URB1: variants seen among roughly 807,000 people sequenced by gnomAD.
URB1 encodes the protein nucleolar pre-ribosomal-associated protein 1.
URB1 carries 197 observed loss-of-function variants against 242.3 expected under a neutral mutation model. That is an observed-to-expected ratio of 0.81 (90% CI 0.72 to 0.91). The LOEUF (loss-of-function observed/expected upper bound fraction) is 0.91, where lower values mean the gene tolerates loss of function less well. Among genes scored for constraint, URB1 ranks in the 40% least tolerant of loss-of-function variants. URB1 has a pLI of 0.00. For missense variants in URB1, 2,721 were observed against 2,860.5 expected (o/e 0.95, Z 1.11); for synonymous variants, 1,153 against 1,201.8 (o/e 0.96, Z 0.84).
rs150866700 is a variant in URB1 at position 32,311,778 on chromosome 21, C to G, written c.*3140G>C. The G allele has an allele frequency of 1.9e-5, 31 of 1,614,058 alleles. No individual in the cohort carries two copies. The highest frequency in any genetic ancestry group is 2.4e-5 in the Non-Finnish European group (28 of 1,180,046). Reference sequence around the variant, plus strand: ...GTGCCTGCCGTGCCACAGGGAACCCCTGGCAACCTCACAGGCTCAGGCGAG... The same window carrying G: ...GTGCCTGCCGTGCCACAGGGAACCCGTGGCAACCTCACAGGCTCAGGCGAG... On this transcript the variant is annotated 3_prime_UTR_variant, in exon 39 of 39. Transcript: ENST00000382751.
chr21:32,317,645 C>T (rs1309845117), intron 37 of URB1, 31 bp downstream of exon 37: 43 of 1,549,230 alleles, frequency 2.8e-5, no homozygotes, highest in Non-Finnish European at 3.1e-5. Flanking sequence ...ATGTTGGCTA[C>T]TCTGGGCCAG....
intron 11 of URB1, 100 bp from the exon 12 acceptor site, chr21:32,362,121 T>C (rs1008358303): frequency 2.8e-6 from 4 of 1,444,886 alleles, no homozygotes; most frequent in Admixed American, 2.2e-5. Flanking sequence ...GGGAGGGGGG[T>C]GCGAGTCTAG....
chr21:32,363,774 G>A (rs1005443999), intron 10 of URB1, among the ~76,000 whole-genome samples: 62 of 151,856 alleles, frequency 4.1e-4, no homozygotes, highest in African/African-American at 1.2e-3. Context: ...CAATCCTCCC[G>A]CCTCATCCTC....
intron 21 of URB1, among the ~76,000 whole-genome samples, chr21:32,349,060 T>C (rs1040893355): frequency 2.0e-5 from 3 of 152,216 alleles, no homozygotes; most frequent in African/African-American, 7.2e-5. Flanking sequence ...CAGGCTCACC[T>C]CACACAGCGT....
At chr21:32,381,203 C>A (rs1387856325) in intron 4 of URB1, among the ~76,000 whole-genome samples, 1 of 152,200 alleles carries the variant, frequency 6.6e-6, no homozygotes, top group East Asian at 1.9e-4. Context: ...TTCATTCCCA[C>A]CCTGTGACCT....
At chr21:32,332,570 A>C (rs1415710844) in intron 30 of URB1, among the ~76,000 whole-genome samples, 2 of 6,796 alleles carry the variant, frequency 2.9e-4, no homozygotes, top group Non-Finnish European at 6.0e-4. Context: ...AACAAAAGAC[A>C]AAAAAAAAAA....
Position 32,385,687 on chromosome 21 carries a change from GA to G in URB1, c.143-4del, listed in dbSNP as rs972321362. On this transcript the variant is annotated splice_polypyrimidine_tract_variant and splice_region_variant and intron_variant, in intron 1 of 38. Transcript: ENST00000382751. ...AGCAGACACAAACGCTTCCAAGCCT[GA>G]AAAAAAAGTTATGTTCAAACATTAA... is the stretch of plus-strand genomic sequence containing the variant. The G allele has an allele frequency of 1.3e-6, 2 of 1,543,892 alleles. No homozygotes were observed. The highest frequency in any genetic ancestry group is 1.7e-6 in the Non-Finnish European group (2 of 1,144,800).
At chr21:32,374,553 G>C (rs2033439128) in intron 6 of URB1, among the ~76,000 whole-genome samples, 1 of 152,314 alleles carries the variant, frequency 6.6e-6, no homozygotes, top group South Asian at 2.1e-4. Context: ...ATCCTTGCTA[G>C]CACTGAACAC....
chr21:32,319,116 C>T (rs573708500), intron 36 of URB1, 101 bp downstream of exon 36: 25 of 1,236,916 alleles, frequency 2.0e-5, no homozygotes, highest in Non-Finnish European at 2.8e-5. Flanking sequence ...CCCAGCGTCC[C>T]CCTGGTACAG....
chr21:32,333,092 TA>T, intron 30 of URB1: 1 of 516,638 alleles, frequency 1.9e-6, no homozygotes, highest in Non-Finnish European at 3.4e-6. Context: ...TTCCAGATTT[TA>T]AAATTACAAT....
In URB1 at chr21:32,372,527, T is replaced by C. The variant is rs1321509274; in HGVS notation, c.981A>G (p.Ala327=). 6.4e-7 allele frequency: 1 copy of C among 1,551,470 alleles called. No homozygotes were observed. The highest frequency in any genetic ancestry group is 1.4e-5 in the African/African-American group (1 of 73,062). Residue 327 remains alanine, a synonymous_variant, in exon 8 of 39, where the codon GCA becomes GCG. Coordinates refer to ENST00000382751, the MANE Select transcript of URB1 (RefSeq NM_014825.3). ...TTTACCTGCCAAAGGTACCCAAAGA[T>C]GCATCGTAAAAATTAATTCCATGCT... ...SLKHGINFYD[A]SLGTFGRGGN...
At position 32,366,676 on chromosome 21, in the gene URB1, A is replaced by G. The variant is rs754697199; in HGVS notation, c.1277T>C (p.Val426Ala). ...CACCAGGGGCACGGTGGTCACCATC[A>G]CCATTGCCAGGAGCCGAGGCAAGGG... ...FIPLPRLLAM[V>A]MVTTVPLVCN... The change falls in exon 10 of 39, where the codon GTG (valine) becomes GCG (alanine). Residue 426 changes from valine (V) to alanine (A), a missense_variant. Transcript: ENST00000382751. The G allele has an allele frequency of 5.2e-5, 81 of 1,551,330 alleles. No homozygotes were observed. The highest frequency in any genetic ancestry group is 6.5e-5 in the Non-Finnish European group (75 of 1,146,850).
At chr21:32,381,037 T>C (rs1479563091) in intron 4 of URB1, among the ~76,000 whole-genome samples, 3 of 152,200 alleles carry the variant, frequency 2.0e-5, no homozygotes, top group Admixed American at 6.5e-5. Context: ...CCTGACATGA[T>C]GGAGGAACTG....
At position 32,322,355 on chromosome 21, in the gene URB1, C is replaced by T. The variant is rs746016241; in HGVS notation, c.5340+123G>A. On this transcript the variant is annotated intron_variant, in intron 33 of 38. Coordinates refer to ENST00000382751, the MANE Select transcript of URB1 (RefSeq NM_014825.3). The stretch of plus-strand genomic sequence containing the variant: ...CCGAAGTGCAGGCCTGCGTGGCCAC[C>T]GACTGCACAATCGTGTTGGCCGTGC... 3.1e-5 allele frequency: 28 copies of T among 899,126 alleles called. 1 individual carries two copies. Among genetic ancestry groups the T allele is most frequent in the African/African-American group, 4.9e-5 (3 of 60,694 alleles). The allele number at this position is 899,126 out of a possible 1,614,324, so 55.7% of individuals were successfully genotyped here.
intron 5 of URB1, chr21:32,377,347 T>C (rs770539502): frequency 4.0e-6 from 2 of 504,436 alleles, no homozygotes; most frequent in African/African-American, 2.0e-5. Flanking sequence ...AGTTTTGATG[T>C]GTACAGCCAA....
intron 27 of URB1, 78 bp from the exon 28 acceptor site, chr21:32,337,235 C>A: frequency 4.1e-6 from 6 of 1,468,290 alleles, no homozygotes; most frequent in South Asian, 1.2e-5. Flanking sequence ...TGCCCTCATA[C>A]CCTCCCTGCT....
chr21:32,319,667 C>A (rs2032741288), intron 35 of URB1, among the ~76,000 whole-genome samples: 1 of 152,208 alleles, frequency 6.6e-6, no homozygotes, highest in South Asian at 2.1e-4. Context: ...CTGTTCATGA[C>A]AACAACTCAA....
intron 34 of URB1, among the ~76,000 whole-genome samples, chr21:32,321,171 C>A (rs982179735): frequency 6.6e-6 from 1 of 152,248 alleles, no homozygotes; most frequent in African/African-American, 2.4e-5. Flanking sequence ...TCTTGACTTA[C>A]TCCTATTTAC....
At chr21:32,349,201 C>T in intron 21 of URB1, 103 bp downstream of exon 21, 1 of 1,395,158 alleles carries the variant, frequency 7.2e-7, no homozygotes, top group Non-Finnish European at 9.5e-7. Flanking sequence ...CTGCATTTCC[C>T]AATTTTCCCA....
Sources: gnomAD v4.1 joint callset for allele counts (sites outside exome capture counted in the v4.1 genomes callset) on GRCh38, gnomAD v4.1.1 for gene constraint, MANE v1.5 for transcripts, NCBI Gene and HGNC (gene_info 2026-07-23, HGNC 2026-07-21) for gene names.